The following RYR2 variants were observed in gnomAD, a reference collection of about 807,000 sequenced individuals.
RYR2 encodes ryanodine receptor 2.
In RYR2, 227 loss-of-function variants were observed where a neutral mutation model predicts 601.1. That is an observed-to-expected ratio of 0.38 (90% CI 0.34 to 0.42). RYR2 has a LOEUF of 0.42. RYR2 is among the 10% of genes least tolerant of loss of function. The pLI, the probability that RYR2 is intolerant of heterozygous loss-of-function variation, is 1.00. For synonymous variants in RYR2, 2,223 were observed against 2,175.1 expected (o/e 1.02, Z -0.61); for missense variants, 4,646 against 6,156.5 (o/e 0.75, Z 8.21).
intron 1 of RYR2, among the ~76,000 whole-genome samples, chr1:237,144,269 ACTC>A (rs1457741043): frequency 6.6e-6 from 1 of 152,186 alleles, no homozygotes; most frequent in Non-Finnish European, 1.5e-5. Flanking sequence ...AAGACAGACT[ACTC>A]CTTAAGAAAG....
chr1:237,353,280 G>A (rs1223291173), intron 3 of RYR2, among the ~76,000 whole-genome samples: 1 of 151,944 alleles, frequency 6.6e-6, no homozygotes, highest in Non-Finnish European at 1.5e-5. Flanking sequence ...TGCACGAGAT[G>A]GGTGGATCAC....
chr1:237,070,732 C>G (rs909757768), intron 1 of RYR2, among the ~76,000 whole-genome samples: 1 of 152,212 alleles, frequency 6.6e-6, no homozygotes, highest in Non-Finnish European at 1.5e-5. Context: ...GGCATGCTGG[C>G]TGGGGTGGGG....
At chr1:237,512,357 T>C (rs182540586) in intron 24 of RYR2, among the ~76,000 whole-genome samples, 440 of 152,292 alleles carry the variant, frequency 2.9e-3, no homozygotes, top group Non-Finnish European at 4.6e-3. Context: ...TTCTTCACCA[T>C]AGGTAATTTG....
At chr1:237,099,754 A>C (rs2148508177) in intron 1 of RYR2, among the ~76,000 whole-genome samples, 1 of 152,382 alleles carries the variant, frequency 6.6e-6, no homozygotes, top group East Asian at 1.9e-4. Flanking sequence ...GGGCAGTGGA[A>C]AAAGAAGGAA....
rs1429820208 is a variant in RYR2, at chr1:237,429,252, A to G, written c.1005+6004A>G. Among the ~76,000 whole-genome samples, 4 of 152,222 alleles carry G rather than the reference A, an allele frequency of 2.6e-5. No individual in the cohort carries two copies. In the East Asian group the frequency reaches 7.7e-4, roughly 29 times the overall value. On this transcript the variant is annotated intron_variant, in intron 12 of 104. Transcript: ENST00000366574. ...GATCTCACTGAGTATCAGGACCCCC[A>G]TTTTACAGATGGGGAAAACCAACGC...
intron 100 of RYR2, among the ~76,000 whole-genome samples, chr1:237,810,235 A>G (rs1340912267): frequency 6.6e-6 from 1 of 152,188 alleles, no homozygotes; most frequent in African/African-American, 2.4e-5. Flanking sequence ...TTAACACCAT[A>G]ACAAAGGGCC....
At chr1:237,356,050 A>G in intron 4 of RYR2, 65 bp downstream of exon 4, 2 of 1,457,236 alleles carry the variant, frequency 1.4e-6, no homozygotes, top group Non-Finnish European at 1.9e-6. Flanking sequence ...TCTCGCCTCT[A>G]ATCTTTCATT....
chr1:237,338,915 T>C (rs2808226), intron 3 of RYR2, among the ~76,000 whole-genome samples: 20,304 of 152,186 alleles, frequency 0.13, 2,218 homozygotes, highest in African/African-American at 0.3. Flanking sequence ...TCATATGATA[T>C]AAATTGTGTT....
chr1:237,741,348 TTAAAAA>T (rs962576789), intron 79 of RYR2, among the ~76,000 whole-genome samples: 39 of 152,270 alleles, frequency 2.6e-4, no homozygotes, highest in Admixed American at 2.1e-3. Flanking sequence ...TCTCACCGAA[TTAAAAA>T]TATGTTTATG....
At chr1:237,184,443 CG>C (rs141660107) in intron 1 of RYR2, among the ~76,000 whole-genome samples, 2 of 152,122 alleles carry the variant, frequency 1.3e-5, no homozygotes, top group African/African-American at 4.8e-5. Flanking sequence ...AACTACTTTT[CG>C]GGAGCCATAA....
chr1:237,319,513 T>C (rs971130538), intron 2 of RYR2, among the ~76,000 whole-genome samples: 2 of 152,216 alleles, frequency 1.3e-5, no homozygotes, highest in East Asian at 1.9e-4. Context: ...GTCTGTGACA[T>C]GTCTCTCCTT....
At chr1:237,416,716 A>C (rs982260441) in intron 10 of RYR2, among the ~76,000 whole-genome samples, 18 of 150,338 alleles carry the variant, frequency 1.2e-4, no homozygotes, top group Non-Finnish European at 2.5e-4. Flanking sequence ...GAGTAAGGTG[A>C]AATCTATTCA....
chr1:237,163,813 C>T (rs1051811434), intron 1 of RYR2, among the ~76,000 whole-genome samples: 3 of 152,224 alleles, frequency 2.0e-5, no homozygotes, highest in Admixed American at 6.5e-5. Flanking sequence ...TGAGCCTGCT[C>T]ATGTGCACAC....
chr1:237,108,703 C>T (rs1413984673), intron 1 of RYR2, among the ~76,000 whole-genome samples: 6 of 152,106 alleles, frequency 3.9e-5, no homozygotes. Context: ...TCCTGGCAAT[C>T]AGGAATGGGA....
At chr1:237,361,958 A>T (rs2149715837) in intron 4 of RYR2, among the ~76,000 whole-genome samples, 1 of 152,310 alleles carries the variant, frequency 6.6e-6, no homozygotes, top group East Asian at 1.9e-4. Flanking sequence ...TACTACACTG[A>T]GTGGCTCATG....
At chr1:237,733,624 G>T (rs1690883969) in intron 78 of RYR2, 81 bp from the exon 79 acceptor site, 5 of 878,456 alleles carry the variant, frequency 5.7e-6, no homozygotes, top group East Asian at 2.4e-5. Context: ...AAGAACAAAG[G>T]TTATTTTAAG....
intron 1 of RYR2, among the ~76,000 whole-genome samples, chr1:237,104,228 G>A (rs560074823): frequency 5.5e-4 from 83 of 152,234 alleles, no homozygotes; most frequent in African/African-American, 2.0e-3. Context: ...GGATTTGGCC[G>A]GCGTTCCCTT....
intron 1 of RYR2, among the ~76,000 whole-genome samples, chr1:237,108,827 A>G (rs1033880439): frequency 3.9e-5 from 6 of 152,272 alleles, no homozygotes; most frequent in African/African-American, 7.2e-5. Context: ...CCAGCGTTCC[A>G]GTTTTGCACT....
chr1:237,109,405 T>C (rs1346488838), intron 1 of RYR2, among the ~76,000 whole-genome samples: 1 of 152,000 alleles, frequency 6.6e-6, no homozygotes, highest in Non-Finnish European at 1.5e-5. Context: ...AGAAAATTGC[T>C]TTGAAAGGAA....
Sources: gnomAD v4.1 joint callset for allele counts (sites outside exome capture counted in the v4.1 genomes callset) on GRCh38, gnomAD v4.1.1 for gene constraint, MANE v1.5 for transcripts, NCBI Gene and HGNC (gene_info 2026-07-23, HGNC 2026-07-21) for gene names.